Variants in HIBCH observed in about 807,000 individuals in gnomAD.
HIBCH encodes the protein 3-hydroxyisobutyryl-CoA hydrolase, also known as 3-hydroxyisobutyryl-CoA hydrolase, mitochondrial.
A neutral mutation model predicts 58.2 loss-of-function variants in HIBCH; 50 were observed. The ratio of observed to expected loss-of-function variants is 0.86; its 90% confidence interval spans 0.68 to 1.09. The LOEUF is 1.09. HIBCH is among the 50% of genes least tolerant of loss of function. The pLI, the probability that HIBCH is intolerant of heterozygous loss-of-function variation, is 0.00. For synonymous variants in HIBCH, 151 were observed against 146.9 expected, an observed-to-expected ratio of 1.03 and a Z score of -0.20; for missense variants, 450 against 449.7, an observed-to-expected ratio of 1.00 and a Z score of -0.01.
At chr2:190,219,033 G>A (rs575819485) in intron 11 of HIBCH, among the ~76,000 whole-genome samples, 252 of 152,302 alleles carry the variant, frequency 1.7e-3, no homozygotes, top group Non-Finnish European at 3.0e-3. Flanking sequence ...GGTATTATGG[G>A]AAAGGGAACC....
intron 11 of HIBCH, among the ~76,000 whole-genome samples, chr2:190,233,091 C>T (rs10192319): frequency 0.033 from 5,085 of 152,130 alleles, 139 homozygotes; most frequent in East Asian, 0.14. Flanking sequence ...TGAACCATTG[C>T]CTTTTAGCTT....
chr2:190,299,502 G>A (rs905219037), intron 2 of HIBCH, among the ~76,000 whole-genome samples: 3 of 142,104 alleles, frequency 2.1e-5, no homozygotes, highest in Non-Finnish European at 4.7e-5. Context: ...ATCAAAGTCT[G>A]ATACACACAC....
Position 190,255,225 on chromosome 2 carries a change from C to T in HIBCH, c.518-2918G>A, listed in dbSNP as rs1686888651. ...ACTCTTCACCAGAGGCCCCCATGTA[C>T]CCTTTTGAGAGCATGTTACATCACT... On this transcript the variant is annotated intron_variant, in intron 7 of 13. Coordinates refer to ENST00000359678, the MANE Select transcript of HIBCH (RefSeq NM_014362.4). 5.3e-5 allele frequency among the ~76,000 whole-genome samples: 8 copies of T among 152,288 alleles called. 1 individual carries two copies. The South Asian group carries it at 1.7e-3, about 32-fold the overall frequency.
At chr2:190,200,102 A>G, downstream of HIBCH, 1 of 1,614,088 alleles carries the variant, frequency 6.2e-7, no homozygotes, top group South Asian at 1.1e-5. Flanking sequence ...GCATGCAATA[A>G]CATCAAGTAC....
intron 6 of HIBCH, among the ~76,000 whole-genome samples, chr2:190,262,174 A>G (rs1687106818): frequency 6.6e-6 from 1 of 150,642 alleles, no homozygotes; most frequent in Non-Finnish European, 1.5e-5. Flanking sequence ...AAAAAAAAAA[A>G]AAAGAAAAGA....
At chr2:190,219,060 G>A (rs76422307) in intron 11 of HIBCH, among the ~76,000 whole-genome samples, 4,197 of 152,288 alleles carry the variant, frequency 0.028, 99 homozygotes, top group East Asian at 0.14. Context: ...ACCTGTTACC[G>A]TCCAACTGGA....
At chr2:190,274,086 G>A (rs936702774) in intron 6 of HIBCH, among the ~76,000 whole-genome samples, 4 of 152,184 alleles carry the variant, frequency 2.6e-5, no homozygotes, top group African/African-American at 9.7e-5. Context: ...ACAGGCATGT[G>A]CCACTGCGCC....
At chr2:190,191,199 G>A (rs934110531) in intron 1 of HIBCH, among the ~76,000 whole-genome samples, 5 of 151,872 alleles carry the variant, frequency 3.3e-5, no homozygotes, top group Non-Finnish European at 5.9e-5. Context: ...GTGCAGTTGC[G>A]TGATCTCAGC....
rs1210375114 is a variant in HIBCH, at chr2:190,244,960, G to A, written c.818C>T (p.Ser273Leu). The A allele has an allele frequency of 6.3e-7, 1 of 1,594,948 alleles. No individual in the cohort carries two copies. Among genetic ancestry groups the A allele is most frequent in the Admixed American group, 1.7e-5 (1 of 59,968 alleles). The change falls in exon 11 of 14, where the codon TCA (serine) becomes TTA (leucine). Residue 273 changes from serine to leucine, a missense_variant. Transcript: ENST00000359678. ...AATAATTTCTTCCACAGTATTGGCT[G>A]AAAAACAACTATAAAAAAAGGAAAT... is the stretch of plus-strand genomic sequence containing the variant. ...EHMDKINSCF[S>L]ANTVEEIIEN...
intron 11 of HIBCH, among the ~76,000 whole-genome samples, chr2:190,238,859 T>C (rs1242657837): frequency 1.3e-5 from 2 of 152,248 alleles, no homozygotes; most frequent in East Asian, 3.8e-4. Context: ...TTGTAGACTC[T>C]GGATATTAGA....
At chr2:190,262,985 T>C (rs1687135041) in intron 6 of HIBCH, among the ~76,000 whole-genome samples, 1 of 152,214 alleles carries the variant, frequency 6.6e-6, no homozygotes, top group Non-Finnish European at 1.5e-5. Context: ...AGGAATACGC[T>C]GAACCATTTC....
Position 190,286,551 on chromosome 2 carries a change from T to A in HIBCH, c.438+1035A>T, listed in dbSNP as rs140395704. Among the ~76,000 whole-genome samples the A allele has an allele frequency of 1.6e-4, 24 of 152,328 alleles. No individual in the cohort carries two copies. The East Asian group carries it at 3.7e-3, about 23-fold the overall frequency. On this transcript the variant is annotated intron_variant, in intron 6 of 13. Transcript: ENST00000359678. ...TTTCTAGGCTCAGTTCAATTCACCA[T>A]CTTCTCCATGCAGCCCTTTCCTGCC...
chr2:190,278,298 G>T (rs554293366), intron 6 of HIBCH, among the ~76,000 whole-genome samples: 2 of 152,060 alleles, frequency 1.3e-5, no homozygotes, highest in South Asian at 4.2e-4. Context: ...TCCACCTCCC[G>T]GGTTCAAGCA....
intron 4 of HIBCH, among the ~76,000 whole-genome samples, chr2:190,291,308 C>A (rs1575753030): frequency 6.6e-6 from 1 of 152,122 alleles, no homozygotes; most frequent in East Asian, 1.9e-4. Flanking sequence ...TAGACTGATA[C>A]TAAAACATAT....
intron 8 of HIBCH, 28 bp downstream of exon 8, chr2:190,252,134 T>C (rs1686791688): frequency 6.2e-7 from 1 of 1,606,328 alleles, no homozygotes; most frequent in African/African-American, 1.3e-5. Context: ...ATTCCAACAA[T>C]ACAAAATGCA....
At chr2:190,196,835 A>G (rs1226601793) in intron 1 of HIBCH, among the ~76,000 whole-genome samples, 1 of 152,196 alleles carries the variant, frequency 6.6e-6, no homozygotes, top group African/African-American at 2.4e-5. Context: ...AGTAGTTGTA[A>G]CATAGACCCT....
chr2:190,226,017 T>C (rs1019162834), intron 11 of HIBCH, among the ~76,000 whole-genome samples: 3 of 152,162 alleles, frequency 2.0e-5, no homozygotes, highest in Non-Finnish European at 2.9e-5. Flanking sequence ...CACATGATTA[T>C]CTAAATAGAT....
rs1291276538 is a variant in HIBCH, at chr2:190,216,603, T to G, written c.892-3528A>C. ...TAAAGGGGCCACAGCTGCTCAGCTG[T>G]GATGCCAAACTGTCTGCTTTGTCAG... On this transcript the variant is annotated intron_variant, in intron 11 of 13. Transcript: ENST00000359678. The surrounding 1 kb of genome is among the most constrained non-coding windows in gnomAD (Gnocchi z 4.2). 6.6e-6 allele frequency among the ~76,000 whole-genome samples: 1 copy of G among 152,204 alleles called. No individual in the cohort carries two copies. The highest frequency in any genetic ancestry group is 2.4e-5 in the African/African-American group (1 of 41,438).
intron 9 of HIBCH, among the ~76,000 whole-genome samples, chr2:190,247,462 T>G (rs572325340): frequency 5.4e-4 from 82 of 152,342 alleles, no homozygotes; most frequent in African/African-American, 2.0e-3. Context: ...CACCAAGTAC[T>G]TGGTGGCCCT....
Sources: gnomAD v4.1 joint callset for allele counts (sites outside exome capture counted in the v4.1 genomes callset) on GRCh38, gnomAD v4.1.1 for gene constraint, Gnocchi (gnomAD v3.1) non-coding constraint, MANE v1.5 for transcripts, NCBI Gene and HGNC (gene_info 2026-07-23, HGNC 2026-07-21) for gene names.